Variants in FBXO2 observed in about 807,000 individuals in gnomAD.
FBXO2 encodes F-box protein 2.
A neutral mutation model predicts 38.6 loss-of-function variants in FBXO2; 32 were observed. The ratio of observed to expected loss-of-function variants is 0.83; its 90% CI spans 0.62 to 1.11. The LOEUF is 1.11. Among genes scored for constraint, FBXO2 ranks in the 50% most tolerant of loss-of-function variants. The probability of loss-of-function intolerance (pLI) is 0.00; values close to 1 mark genes in which losing one functional copy is unlikely to be tolerated. For synonymous variants in FBXO2, 189 were observed against 182.9 expected, an observed-to-expected ratio of 1.03 and a Z score of -0.27; for missense variants, 450 against 418.3, an observed-to-expected ratio of 1.08 and a Z score of -0.66.
chr1:11,650,947 T>G (rs1206549435), intron 1 of FBXO2, 113 bp from the exon 2 acceptor site: 1 of 1,391,690 alleles, frequency 7.2e-7, no homozygotes, highest in Non-Finnish European at 9.4e-7. Flanking sequence ...AATCCACAGC[T>G]GGGGCCGGAG....
At position 11,649,067 on chromosome 1, in the gene FBXO2, C is replaced by T; in HGVS notation, c.756+20G>A. On this transcript the variant is annotated intron_variant, in intron 5 of 5. Coordinates refer to ENST00000354287, the MANE Select transcript of FBXO2 (RefSeq NM_012168.6). ...TCATGTCCGTGCCCCACCCCTCCGC[C>T]CTGGGTCCCCCAGGCTCACCTCCAT... The T allele has an allele frequency of 6.4e-7, 1 of 1,572,444 alleles. No homozygotes were observed. The highest frequency in any genetic ancestry group is 1.2e-5 in the South Asian group (1 of 86,580).
intron 1 of FBXO2, among the ~76,000 whole-genome samples, chr1:11,651,856 C>T (rs972512623): frequency 5.3e-5 from 8 of 152,144 alleles, no homozygotes; most frequent in South Asian, 2.1e-4. Context: ...TGTGCCACCA[C>T]GCCTGGCTAA....
At chr1:11,649,259 G>T in intron 4 of FBXO2, 34 bp from the exon 5 acceptor site, 2 of 1,206,904 alleles carry the variant, frequency 1.7e-6, no homozygotes, top group Non-Finnish European at 2.3e-6. Context: ...TGGGGGGCGG[G>T]AGGTGGGGTG....
In FBXO2 at chr1:11,649,958, CGAAG is replaced by C; in HGVS notation, c.504_507del (p.Tyr168Ter). ...CCTTCTCCTTACTCAAAGGAGGAGGCGAAGTACTTCTTGACGCTCTCATCGTGGG... is the reference window on the plus strand; with the variant it reads ...CCTTCTCCTTACTCAAAGGAGGAGGCTACTTCTTGACGCTCTCATCGTGGG... On this transcript the variant is annotated frameshift_variant, in exon 3 of 6. Transcript: ENST00000354287. LOFTEE classifies it high-confidence loss of function. The C allele has an allele frequency of 6.2e-7, 1 of 1,614,020 alleles. No homozygotes were observed. Among genetic ancestry groups the C allele is most frequent in the Non-Finnish European group, 8.5e-7 (1 of 1,180,010 alleles).
intron 1 of FBXO2, chr1:11,653,906 A>G (rs114940105): frequency 0.015 from 2,642 of 174,760 alleles, 65 homozygotes; most frequent in African/African-American, 0.058. Context: ...AGGTGAGGCC[A>G]GGCCTGGGAC....
At chr1:11,649,734 T>C in intron 4 of FBXO2, 45 bp downstream of exon 4, 1 of 1,594,180 alleles carries the variant, frequency 6.3e-7, no homozygotes, top group Non-Finnish European at 8.6e-7. Context: ...CCCCTCTGCC[T>C]TACCCCGCTC....
At position 11,650,091 on chromosome 1, in the gene FBXO2, G is replaced by A; in HGVS notation, c.392-17C>T. ...CCAAGTCCTCTGTAGGGACACGACA[G>A]CCCCACCCTGGTCACTCAGTCCCTG... On this transcript the variant is annotated splice_polypyrimidine_tract_variant and intron_variant, in intron 2 of 5. Transcript: ENST00000354287. 2 of 1,613,372 alleles carry A rather than the reference G, an allele frequency of 1.2e-6. No individual in the cohort carries two copies. Among genetic ancestry groups the A allele is most frequent in the Non-Finnish European group, 1.7e-6 (2 of 1,179,684 alleles).
chr1:11,649,914 C>A (rs769717214), intron 3 of FBXO2, 31 bp downstream of exon 3: 6 of 1,613,960 alleles, frequency 3.7e-6, no homozygotes, highest in East Asian at 4.5e-5. Context: ...ACGCTCCCCC[C>A]TTCCCACCTC....
chr1:11,654,293 C>T, intron 1 of FBXO2, 26 bp downstream of exon 1: 1 of 1,490,162 alleles, frequency 6.7e-7, no homozygotes, highest in South Asian at 1.3e-5. Flanking sequence ...CTCCCCGCCG[C>T]AGCGAGCGGT....
chr1:11,654,429 T>G lies in FBXO2; in HGVS notation c.-89A>C. ...GGCGAGTCCCGGCGCTGTCCGCGTC[T>G]GTGTCGGTCCCGGCGACCGCGCCTC... On this transcript the variant is annotated 5_prime_UTR_variant, in exon 1 of 6. Transcript: ENST00000354287. 1 of 1,263,556 alleles carries G rather than the reference T, an allele frequency of 7.9e-7. No homozygotes were observed. Among genetic ancestry groups the G allele is most frequent in the East Asian group, 3.2e-5 (1 of 31,416 alleles). 78.3% of individuals were successfully genotyped at this position (1,263,556 alleles called of 1,614,324 possible). A position where few individuals can be genotyped will look rare whatever the true frequency, so the allele number is the denominator to read the frequency against.
At position 11,649,075 on chromosome 1, in the gene FBXO2, C is replaced by T; in HGVS notation, c.756+12G>A. ...GTGCCCCACCCCTCCGCCCTGGGTCCCCCAGGCTCACCTCCATCCAGCCCC... is the reference window on the plus strand; with the variant it reads ...GTGCCCCACCCCTCCGCCCTGGGTCTCCCAGGCTCACCTCCATCCAGCCCC... On this transcript the variant is annotated intron_variant, in intron 5 of 5. Coordinates refer to ENST00000354287, the MANE Select transcript of FBXO2 (RefSeq NM_012168.6). The T allele has an allele frequency of 1.3e-6, 2 of 1,587,814 alleles. No individual in the cohort carries two copies. The highest frequency in any genetic ancestry group is 1.7e-6 in the Non-Finnish European group (2 of 1,167,396).
chr1:11,650,360 C>T, intron 2 of FBXO2, 106 bp downstream of exon 2: 1 of 1,487,836 alleles, frequency 6.7e-7, no homozygotes, highest in Non-Finnish European at 8.9e-7. Flanking sequence ...CCAGTGCTGG[C>T]ACTGAGCCAG....
rs1276376456 is a variant in FBXO2 at position 11,654,161 on chromosome 1, C to A, written c.22+158G>T. 1.1e-5 allele frequency: 8 copies of A among 737,548 alleles called. No individual in the cohort carries two copies. The East Asian group carries it at 2.4e-4, about 22-fold the overall frequency. 45.7% of individuals were successfully genotyped at this position (737,548 alleles called of 1,614,324 possible). A position where few individuals can be genotyped will look rare whatever the true frequency, so the allele number is the denominator to read the frequency against. On this transcript the variant is annotated intron_variant, in intron 1 of 5. Transcript: ENST00000354287. ...CCGCCAGACCAAGATAGCAGAGAGA[C>A]GTGCTCTTTGGAGACCGCCTCTAGG...
rs142429681 is a variant in FBXO2 at position 11,652,512 on chromosome 1, C to T, written c.23-1678G>A. On this transcript the variant is annotated intron_variant, in intron 1 of 5. Transcript: ENST00000354287. ...GCATTCTGAATTGTAAGGAGGCAGG[C>T]AGATGTCACCGCGGCAGCCGGACTG... is the stretch of plus-strand genomic sequence containing the variant. Among the ~76,000 whole-genome samples the T allele has an allele frequency of 2.2e-3, 334 of 152,354 alleles. 4 individuals are homozygous for T. The highest frequency in any genetic ancestry group is 0.016 in the South Asian group (75 of 4,828).
intron 4 of FBXO2, 98 bp downstream of exon 4, chr1:11,649,680 TG>T: frequency 7.7e-7 from 1 of 1,290,632 alleles, no homozygotes; most frequent in Non-Finnish European, 1.1e-6. Flanking sequence ...ACCCCTGCAG[TG>T]GGGAGGCAGC....
Position 11,650,837 on chromosome 1 carries a change from G to A in FBXO2, c.23-3C>T. ...CTCCTCGGGCTGGCCCACGCTCTCT[G>A]CAGGCAGGGATGGGTGGGAGGCTGT... On this transcript the variant is annotated splice_polypyrimidine_tract_variant and splice_region_variant and intron_variant, in intron 1 of 5. Transcript: ENST00000354287. 6.4e-7 allele frequency: 1 copy of A among 1,555,526 alleles called. No individual in the cohort carries two copies. Among genetic ancestry groups the A allele is most frequent in the Non-Finnish European group, 8.6e-7 (1 of 1,156,896 alleles).
chr1:11,649,061 C>G (rs779986546), intron 5 of FBXO2, 26 bp downstream of exon 5: 10 of 1,571,006 alleles, frequency 6.4e-6, no homozygotes, highest in Non-Finnish European at 6.0e-6. Flanking sequence ...TGCCCCACCC[C>G]TCCGCCCTGG....
In FBXO2 at chr1:11,650,676, C is replaced by A. The variant is rs755885110; in HGVS notation, c.181G>T (p.Ala61Ser). 2 of 1,540,032 alleles carry A rather than the reference C, an allele frequency of 1.3e-6. No homozygotes were observed. The stretch of plus-strand genomic sequence containing the variant: ...TGCACCAGCTCGGCGGCCGGCAGTG[C>A]GGCCAGCACGCGCAGCAGCAGCGGC... ...PEPLLLRVLA[A>S]LPAAELVQAC... Residue 61 changes from alanine to serine, a missense_variant, in exon 2 of 6, where the codon GCA becomes TCA. Coordinates refer to ENST00000354287, the MANE Select transcript of FBXO2 (RefSeq NM_012168.6).
intron 1 of FBXO2, among the ~76,000 whole-genome samples, chr1:11,651,214 C>G (rs1639516406): frequency 6.6e-6 from 1 of 152,202 alleles, no homozygotes; most frequent in Admixed American, 6.5e-5. Context: ...CTCCCCTCAC[C>G]TCCTCAGGAA....
Sources: gnomAD v4.1 joint callset for allele counts (sites outside exome capture counted in the v4.1 genomes callset) on GRCh38, gnomAD v4.1.1 for gene constraint, MANE v1.5 for transcripts, NCBI Gene and HGNC (gene_info 2026-07-23, HGNC 2026-07-21) for gene names.